CDH7: variants seen among roughly 807,000 people sequenced by gnomAD.
CDH7 encodes cadherin-7.
Under a neutral mutation model 71.8 loss-of-function variants are expected in CDH7, and 25 were observed. The ratio of observed to expected loss-of-function variants is 0.35; its 90% CI spans 0.25 to 0.49. The LOEUF is 0.49. CDH7 is among the 20% of genes least tolerant of loss of function. CDH7 has a pLI of 0.99. For synonymous variants in CDH7, 381 were observed against 363.8 expected (o/e 1.05, Z -0.54); for missense variants, 862 against 974.6 (o/e 0.88, Z 1.54).
Position 65,885,056 on chromosome 18 carries a change from A to C in CDH7, c.*4162A>C. 6.6e-6 allele frequency: 1 copy of C among 152,208 alleles called. No individual in the cohort carries two copies. The highest frequency in any genetic ancestry group is 6.6e-5 in the Admixed American group (1 of 15,266). The allele number at this position is 152,208 out of a possible 1,614,324, so 9.4% of individuals were successfully genotyped here. ...TATTAATAATGTATATTGTGTGTAT[A>C]TATGACGGTGTATGAAAGTTGGCAA... On this transcript the variant is annotated 3_prime_UTR_variant, in exon 12 of 12. Coordinates refer to ENST00000397968, the MANE Select transcript of CDH7 (RefSeq NM_004361.5).
rs761354400 is a variant in CDH7, at chr18:65,843,808, A to G, written c.982-4A>G. 2 of 1,493,414 alleles carry G rather than the reference A, an allele frequency of 1.3e-6. No individual in the cohort carries two copies. Among genetic ancestry groups the G allele is most frequent in the South Asian group, 2.7e-5 (2 of 73,772 alleles). 92.5% of individuals were successfully genotyped at this position (1,493,414 alleles called of 1,614,324 possible). A position where few individuals can be genotyped will look rare whatever the true frequency, so the allele number is the denominator to read the frequency against. On this transcript the variant is annotated splice_polypyrimidine_tract_variant and splice_region_variant and intron_variant, in intron 6 of 11. Coordinates refer to ENST00000397968, the MANE Select transcript of CDH7 (RefSeq NM_004361.5). ...TTTAATTTTCCTAACGACTTTCTTT[A>G]CAGGAGCTGGATTTTGAAGCCAAAA...
chr18:65,879,893 C>T (rs1599071157), intron 11 of CDH7, among the ~76,000 whole-genome samples: 1 of 152,162 alleles, frequency 6.6e-6, no homozygotes, highest in Admixed American at 6.5e-5. Flanking sequence ...GCCTGACATG[C>T]TGGATTTTAT....
intron 6 of CDH7, among the ~76,000 whole-genome samples, chr18:65,829,822 A>G (rs1555687013): frequency 7.1e-6 from 1 of 141,762 alleles, no homozygotes; most frequent in Non-Finnish European, 1.5e-5. Context: ...GTGTGTATTC[A>G]ATCATGGGAA....
At chr18:65,776,068 T>C (rs1483184261) in intron 2 of CDH7, among the ~76,000 whole-genome samples, 2 of 152,200 alleles carry the variant, frequency 1.3e-5, no homozygotes, top group Non-Finnish European at 2.9e-5. Flanking sequence ...TGGCAACACA[T>C]ACATCCCTTT....
chr18:65,796,298 T>TAC (rs1910911057), intron 2 of CDH7, among the ~76,000 whole-genome samples: 1 of 151,838 alleles, frequency 6.6e-6, no homozygotes, highest in Non-Finnish European at 1.5e-5. Flanking sequence ...AAATAGACAT[T>TAC]TTGAAATTAT....
chr18:65,786,383 T>C (rs2143846411), intron 2 of CDH7, among the ~76,000 whole-genome samples: 1 of 152,254 alleles, frequency 6.6e-6, no homozygotes, highest in African/African-American at 2.4e-5. Context: ...TTTTACAAAA[T>C]TATCATTACA....
chr18:65,866,508 G>A (rs1360261053), intron 11 of CDH7: 1 of 152,044 alleles, frequency 6.6e-6, no homozygotes, highest in African/African-American at 2.4e-5. Context: ...AATGCTGGAA[G>A]GCATCCCACG....
In CDH7 at chr18:65,859,053, G is replaced by A; in HGVS notation, c.1494+7G>A. The A allele has an allele frequency of 6.2e-7, 1 of 1,612,984 alleles. No homozygotes were observed. Among genetic ancestry groups the A allele is most frequent in the Non-Finnish European group, 8.5e-7 (1 of 1,179,260 alleles). ...AAATGCCCAGCCGGGGCAGGTAAGA[G>A]TCTTCAGAACACTTTGCTTCTAATT... is the stretch of plus-strand genomic sequence containing the variant. On this transcript the variant is annotated splice_region_variant and intron_variant, in intron 9 of 11. Coordinates refer to ENST00000397968, the MANE Select transcript of CDH7 (RefSeq NM_004361.5).
chr18:65,775,582 T>C (rs1909908773), intron 2 of CDH7, among the ~76,000 whole-genome samples: 1 of 152,198 alleles, frequency 6.6e-6, no homozygotes. Flanking sequence ...TCTTTTGTCT[T>C]CCTTGGACCA....
rs773549032 is a variant in CDH7, at chr18:65,857,933, A to G, written c.1353A>G (p.Thr451=). The G allele has an allele frequency of 6.2e-7, 1 of 1,613,428 alleles. No individual in the cohort carries two copies. The highest frequency in any genetic ancestry group is 8.5e-7 in the Non-Finnish European group (1 of 1,179,586). Residue 451 remains threonine, a synonymous_variant, in exon 8 of 12, where the codon ACA becomes ACG. Coordinates refer to ENST00000397968, the MANE Select transcript of CDH7 (RefSeq NM_004361.5). ...AGACAAATGCTATTCACAATATCACAGTCCTTGCAATGGAGAGCCGTAAGT... is the reference window on the plus strand; with the variant it reads ...AGACAAATGCTATTCACAATATCACGGTCCTTGCAATGGAGAGCCGTAAGT... ...DRETNAIHNI[T]VLAMESQNPS... is the part of the protein sequence containing the mutation.
intron 2 of CDH7, among the ~76,000 whole-genome samples, chr18:65,772,441 C>T (rs1281765504): frequency 3.9e-5 from 6 of 152,130 alleles, no homozygotes; most frequent in Admixed American, 1.3e-4. Flanking sequence ...ATCGTAAGAG[C>T]TGAATTTAGG....
intron 11 of CDH7, 37 bp from the exon 12 acceptor site, chr18:65,880,364 T>C (rs1213976626): frequency 6.6e-7 from 1 of 1,511,184 alleles, no homozygotes; most frequent in African/African-American, 1.4e-5. Flanking sequence ...AATGGGTGAG[T>C]TTACTGAAAC....
chr18:65,803,110 T>C (rs917089942), intron 2 of CDH7: 1 of 152,170 alleles, frequency 6.6e-6, no homozygotes, highest in African/African-American at 2.4e-5. Flanking sequence ...ATTGTACATT[T>C]ACAGATATGG....
intron 7 of CDH7, among the ~76,000 whole-genome samples, chr18:65,845,721 G>A (rs1843189): frequency 0.26 from 40,129 of 151,878 alleles, 5,505 homozygotes; most frequent in Non-Finnish European, 0.31. Context: ...GAGATATGGA[G>A]AGTGACCGAA....
chr18:65,831,486 T>G (rs375814719), intron 6 of CDH7, among the ~76,000 whole-genome samples: 6 of 152,210 alleles, frequency 3.9e-5, no homozygotes, highest in Non-Finnish European at 8.8e-5. Context: ...TAGAGTTTAT[T>G]TGGAGTTGTT....
At chr18:65,755,990 CAA>C (rs1568168414) in intron 1 of CDH7, among the ~76,000 whole-genome samples, 1 of 151,944 alleles carries the variant, frequency 6.6e-6, no homozygotes, top group Admixed American at 6.5e-5. Flanking sequence ...AAAACAAAAA[CAA>C]AAACAAAAAA....
At chr18:65,825,302 A>G (rs1017310664) in intron 6 of CDH7, among the ~76,000 whole-genome samples, 2 of 151,952 alleles carry the variant, frequency 1.3e-5, no homozygotes, top group Non-Finnish European at 2.9e-5. Flanking sequence ...AATTTATAGT[A>G]ATTGGAAGAC....
chr18:65,820,499 GAC>G (rs1415966317), intron 4 of CDH7, among the ~76,000 whole-genome samples: 1 of 152,006 alleles, frequency 6.6e-6, no homozygotes, highest in Non-Finnish European at 1.5e-5. Flanking sequence ...TCCAAATTTA[GAC>G]AGTTTTTACT....
At position 65,762,886 on chromosome 18, in the gene CDH7, T is replaced by G. The variant is rs199553609; in HGVS notation, c.44T>G (p.Ile15Arg). The stretch of plus-strand genomic sequence containing the variant: ...GAGTTCTGCCATTTTCTGCAGCTAA[T>G]AGCTCTTTTCCTGTGTTTTTCTGGG... ...KVEFCHFLQL[I>R]ALFLCFSGMS... The change falls in exon 2 of 12, where the codon ATA (isoleucine) becomes AGA (arginine). Residue 15 changes from isoleucine to arginine, a missense_variant. Physicochemically the swap from Ile to Arg is moderately conservative, Grantham distance 97. Transcript: ENST00000397968. The G allele has an allele frequency of 6.2e-7, 1 of 1,613,306 alleles. No homozygotes were observed.
Sources: allele counts gnomAD v4.1 joint callset (sites outside exome capture counted in the v4.1 genomes callset), GRCh38; gene constraint gnomAD v4.1.1; transcripts MANE v1.5; gene names NCBI Gene and HGNC (gene_info 2026-07-23, HGNC 2026-07-21).